The following SUSD1 variants were observed in gnomAD, a reference collection of about 807,000 sequenced individuals.
SUSD1 encodes the protein sushi domain-containing protein 1.
SUSD1 carries 65 observed loss-of-function variants against 86.9 expected under a neutral mutation model. That is an observed-to-expected ratio of 0.75 (90% confidence interval 0.61 to 0.92). The LOEUF (loss-of-function observed/expected upper bound fraction) is 0.92. Among genes scored for constraint, SUSD1 ranks in the 40% least tolerant of loss-of-function variants. SUSD1 has a pLI of 0.00. For missense variants in SUSD1, 850 were observed against 929.7 expected (o/e 0.91, Z 1.11); for synonymous variants, 346 against 350.0 (o/e 0.99, Z 0.13).
intron 1 of SUSD1, among the ~76,000 whole-genome samples, chr9:112,164,407 T>C (rs1833692397): frequency 6.6e-6 from 1 of 152,016 alleles, no homozygotes; most frequent in Non-Finnish European, 1.5e-5. Context: ...GACTTTGGGC[T>C]TCTCGAATTT....
chr9:112,108,308 G>A (rs1830932165), intron 8 of SUSD1, among the ~76,000 whole-genome samples: 2 of 152,126 alleles, frequency 1.3e-5, no homozygotes, highest in African/African-American at 4.8e-5. Flanking sequence ...AAATCTGCAA[G>A]GGAGAAAGAA....
At chr9:112,128,845 A>G (rs34007077) in intron 5 of SUSD1, among the ~76,000 whole-genome samples, 5,538 of 152,316 alleles carry the variant, frequency 0.036, 230 homozygotes, top group Admixed American at 0.11. Flanking sequence ...AGCAACCTGC[A>G]TGGCAGGAGC....
At chr9:112,104,985 T>G (rs2131625852) in intron 8 of SUSD1, 1 of 152,230 alleles carries the variant, frequency 6.6e-6, no homozygotes, top group South Asian at 2.1e-4. Flanking sequence ...TTCATACGGT[T>G]CAATAAAAAT....
At chr9:112,148,391 C>G (rs1474982553) in intron 3 of SUSD1, among the ~76,000 whole-genome samples, 3 of 152,132 alleles carry the variant, frequency 2.0e-5, no homozygotes, top group African/African-American at 7.2e-5. Context: ...CCCATGCTCC[C>G]AAAACTCGCA....
At chr9:112,120,679 G>A (rs1831516430) in intron 6 of SUSD1, among the ~76,000 whole-genome samples, 1 of 152,232 alleles carries the variant, frequency 6.6e-6, no homozygotes. Flanking sequence ...CAGACTTTGT[G>A]AAAGGTAGCA....
chr9:112,102,210 C>A lies in SUSD1; in HGVS notation c.1247G>T (p.Arg416Leu). Residue 416 changes from arginine to leucine, a missense_variant, in exon 9 of 17, where the codon CGT becomes CTT. Arg to Leu is a moderately radical substitution (Grantham distance 102, BLOSUM62 -2). Coordinates refer to ENST00000374270, the MANE Select transcript of SUSD1 (RefSeq NM_022486.5). ...GTGTTCTGATCCAACTTTCCTAGAACGCCTGTTCAATTTCAAACAAGTTTC... is the reference window on the plus strand; with the variant it reads ...GTGTTCTGATCCAACTTTCCTAGAAAGCCTGTTCAATTTCAAACAAGTTTC... ...FNETCLKLNRRSRKVGSEHMY... is the reference protein window; with the variant it reads ...FNETCLKLNRLSRKVGSEHMY... The A allele has an allele frequency of 6.2e-7, 1 of 1,602,306 alleles. No homozygotes were observed. The highest frequency in any genetic ancestry group is 8.5e-7 in the Non-Finnish European group (1 of 1,174,308).
intron 5 of SUSD1, among the ~76,000 whole-genome samples, chr9:112,134,257 T>C (rs995625626): frequency 1.3e-5 from 2 of 152,114 alleles, no homozygotes; most frequent in African/African-American, 4.8e-5. Context: ...AAAGGACACA[T>C]GCACTTATAT....
At chr9:112,153,223 C>T (rs1833142575) in intron 2 of SUSD1, among the ~76,000 whole-genome samples, 1 of 151,574 alleles carries the variant, frequency 6.6e-6, no homozygotes, top group Non-Finnish European at 1.5e-5. Context: ...GCCGAGATCA[C>T]ACCACTGCAC....
At chr9:112,073,017 C>G (rs1829352325) in intron 12 of SUSD1, among the ~76,000 whole-genome samples, 2 of 152,154 alleles carry the variant, frequency 1.3e-5, no homozygotes, top group African/African-American at 4.8e-5. Context: ...GGGTAACCAA[C>G]CATGAAAGAG....
intron 1 of SUSD1, among the ~76,000 whole-genome samples, chr9:112,166,030 A>G (rs774666439): frequency 6.6e-6 from 1 of 151,744 alleles, no homozygotes. Context: ...CAAAGACAGT[A>G]GCTGGCATGC....
chr9:112,154,228 C>T (rs2131808505), intron 2 of SUSD1, among the ~76,000 whole-genome samples: 1 of 151,900 alleles, frequency 6.6e-6, no homozygotes, highest in African/African-American at 2.4e-5. Context: ...GTAGCTCACA[C>T]CTGTAATCCC....
At chr9:112,132,835 A>T (rs1046159310) in intron 5 of SUSD1, among the ~76,000 whole-genome samples, 1 of 152,206 alleles carries the variant, frequency 6.6e-6, no homozygotes, top group African/African-American at 2.4e-5. Flanking sequence ...ATCTTGCAGC[A>T]TGTCTACATA....
At chr9:112,137,052 T>G (rs1159260720) in intron 5 of SUSD1, among the ~76,000 whole-genome samples, 1 of 152,216 alleles carries the variant, frequency 6.6e-6, no homozygotes, top group Non-Finnish European at 1.5e-5. Context: ...TCTTGGTGCA[T>G]AAGCTCATGA....
intron 2 of SUSD1, among the ~76,000 whole-genome samples, chr9:112,152,280 C>T (rs1833084388): frequency 6.6e-6 from 1 of 151,332 alleles, no homozygotes; most frequent in Non-Finnish European, 1.5e-5. Flanking sequence ...TTAAACTTTT[C>T]AATTTTTTTA....
At chr9:112,066,117 T>C (rs1203350920) in intron 12 of SUSD1, among the ~76,000 whole-genome samples, 1 of 152,144 alleles carries the variant, frequency 6.6e-6, no homozygotes, top group African/African-American at 2.4e-5. Context: ...GACTCCAAAG[T>C]CTCCTTCGCT....
intron 12 of SUSD1, among the ~76,000 whole-genome samples, chr9:112,073,826 G>C (rs1365629025): frequency 6.6e-6 from 1 of 152,134 alleles, no homozygotes; most frequent in Non-Finnish European, 1.5e-5. Flanking sequence ...CTGGGAGGCA[G>C]AGGTTGCAGT....
chr9:112,112,264 A>C (rs917399404), intron 7 of SUSD1, among the ~76,000 whole-genome samples: 1 of 152,182 alleles, frequency 6.6e-6, no homozygotes, highest in Non-Finnish European at 1.5e-5. Flanking sequence ...TTAAACACAA[A>C]ATGCAAAATA....
At chr9:112,063,096 G>A (rs1828808342) in intron 12 of SUSD1, 63 bp from the exon 13 acceptor site, 1 of 1,062,756 alleles carries the variant, frequency 9.4e-7, no homozygotes, top group Non-Finnish European at 1.5e-6. Flanking sequence ...CAGGACAAAA[G>A]AGGTCCTCGT....
At chr9:112,133,505 G>A (rs1319260923) in intron 5 of SUSD1, among the ~76,000 whole-genome samples, 1 of 152,192 alleles carries the variant, frequency 6.6e-6, no homozygotes, top group Non-Finnish European at 1.5e-5. Context: ...GGGATAGCTG[G>A]CTAGCCATAT....
Sources: gnomAD v4.1 joint callset for allele counts (sites outside exome capture counted in the v4.1 genomes callset) on GRCh38, gnomAD v4.1.1 for gene constraint, MANE v1.5 for transcripts, NCBI Gene and HGNC (gene_info 2026-07-23, HGNC 2026-07-21) for gene names.